CFAP20DC: variants seen among roughly 807,000 people sequenced by gnomAD.
CFAP20DC encodes protein CFAP20DC.
In CFAP20DC, 84 loss-of-function variants were observed where a neutral mutation model predicts 101.7. The observed-to-expected ratio is 0.83, with a 90% confidence interval of 0.69 to 0.99. The LOEUF (loss-of-function observed/expected upper bound fraction) is 0.99, where lower values mean the gene tolerates loss of function less well. Among genes scored for constraint, CFAP20DC ranks in the 50% least tolerant of loss-of-function variants. CFAP20DC has a pLI of 0.00. For missense variants in CFAP20DC, 1,007 were observed against 970.3 expected (o/e 1.04, Z -0.50); for synonymous variants, 359 against 351.2 (o/e 1.02, Z -0.25).
chr3:58,738,884 G>A (rs1007591348), downstream of CFAP20DC, among the ~76,000 whole-genome samples: 14 of 152,140 alleles, frequency 9.2e-5, no homozygotes, highest in South Asian at 2.1e-4. The surrounding 1 kb of genome is among the most constrained non-coding windows in gnomAD (Gnocchi z 4.4). Flanking sequence ...AAAAAGAACA[G>A]CTCAGAAACT....
intron 4 of CFAP20DC, among the ~76,000 whole-genome samples, chr3:58,948,508 C>G (rs2089661000): frequency 6.6e-6 from 1 of 152,136 alleles, no homozygotes; most frequent in Non-Finnish European, 1.5e-5. Context: ...CACATCTTTT[C>G]CTTTGTTTTC....
intron 6 of CFAP20DC, among the ~76,000 whole-genome samples, chr3:58,903,212 T>C (rs1039408184): frequency 6.6e-6 from 1 of 152,238 alleles, no homozygotes; most frequent in Non-Finnish European, 1.5e-5. Context: ...TGGTATCATA[T>C]CTAATACTAT....
chr3:58,936,830 G>A (rs1359832624), intron 5 of CFAP20DC, among the ~76,000 whole-genome samples: 1 of 151,904 alleles, frequency 6.6e-6, no homozygotes, highest in Non-Finnish European at 1.5e-5. Context: ...GCTAAATGAC[G>A]AGTTACTGGG....
rs780111933 is a variant in CFAP20DC at position 58,863,966 on chromosome 3, G to T, written c.1259-74C>A. 127 of 1,387,448 alleles carry T rather than the reference G, an allele frequency of 9.2e-5. No individual in the cohort carries two copies. In the South Asian group the frequency reaches 1.0e-3, roughly 11 times the overall value. The allele number at this position is 1,387,448 out of a possible 1,614,324, so 85.9% of individuals were successfully genotyped here. ...TGTTATTTTTATTTATTTATTTTTA[G>T]TTTTAGTTTTTGAGACAGTCTCACT... On this transcript the variant is annotated intron_variant, in intron 11 of 16. Coordinates refer to ENST00000482387, the MANE Select transcript of CFAP20DC (RefSeq NM_001394063.1). The surrounding 1 kb of genome is among the most constrained non-coding windows in gnomAD (Gnocchi z 5.9).
chr3:58,866,874 G>T, intron 10 of CFAP20DC, among the ~76,000 whole-genome samples, 186 bp from the exon 11 acceptor site: 1 of 151,384 alleles, frequency 6.6e-6, no homozygotes. Flanking sequence ...TTTTATAGAG[G>T]TTCACCTTAA....
chr3:58,946,731 G>C (rs1374358165), intron 4 of CFAP20DC, among the ~76,000 whole-genome samples: 1 of 152,104 alleles, frequency 6.6e-6, no homozygotes, highest in East Asian at 1.9e-4. Context: ...GAGGAAGAGA[G>C]GAAACGCAGA....
intron 4 of CFAP20DC, among the ~76,000 whole-genome samples, chr3:58,976,772 G>A (rs986510261): frequency 1.1e-4 from 17 of 152,026 alleles, no homozygotes; most frequent in African/African-American, 2.4e-4. Flanking sequence ...CCAAAGACAC[G>A]CATGTCAGGT....
intron 6 of CFAP20DC, among the ~76,000 whole-genome samples, chr3:58,891,403 GGAAAGAGAGGGAGACCGTGGGGAGA>G (rs2082241929): frequency 1.3e-5 from 2 of 150,840 alleles, no homozygotes; most frequent in Non-Finnish European, 1.5e-5. Flanking sequence ...GGGAGACCGT[GGAAAGAGAGGGAGACCGTGGGGAGA>G]GGGAGAGGGA....
chr3:58,935,314 G>T (rs914849630), intron 5 of CFAP20DC, among the ~76,000 whole-genome samples: 1 of 151,946 alleles, frequency 6.6e-6, no homozygotes, highest in Non-Finnish European at 1.5e-5. Flanking sequence ...CTCATGGGTA[G>T]GAAGAATCAA....
At chr3:58,837,395 A>G (rs142952335) in intron 13 of CFAP20DC, among the ~76,000 whole-genome samples, 1 of 152,334 alleles carries the variant, frequency 6.6e-6, no homozygotes, top group African/African-American at 2.4e-5. Flanking sequence ...AAGTGAGAGA[A>G]GCCAGACACA....
intron 12 of CFAP20DC, chr3:58,862,003 G>A: frequency 2.0e-6 from 2 of 985,284 alleles, no homozygotes; most frequent in Non-Finnish European, 2.4e-6. Context: ...AATATTCAGA[G>A]CTAGTATTCT....
chr3:58,877,146 A>G (rs893818073), intron 7 of CFAP20DC, among the ~76,000 whole-genome samples: 4 of 152,180 alleles, frequency 2.6e-5, no homozygotes, highest in African/African-American at 9.7e-5. Flanking sequence ...ATAGTATTTA[A>G]CAGTTTAGTA....
chr3:58,981,823 A>C lies in CFAP20DC; in HGVS notation c.279-44061T>G, dbSNP rs1281658283. On this transcript the variant is annotated intron_variant, in intron 4 of 16. Transcript: ENST00000482387. ...CAAGGACTTCATGTCTAAAACACCA[A>C]AAGCAATGGCAACAAAAGCCAAAAT... 1.3e-5 allele frequency among the ~76,000 whole-genome samples: 2 copies of C among 152,284 alleles called. 1 individual carries two copies. The highest frequency in any genetic ancestry group is 4.1e-4 in the South Asian group (2 of 4,822).
intron 16 of CFAP20DC, among the ~76,000 whole-genome samples, chr3:58,745,184 C>A (rs1280631558): frequency 1.3e-5 from 2 of 152,122 alleles, no homozygotes; most frequent in Non-Finnish European, 1.5e-5. Flanking sequence ...GAAAATGACC[C>A]CCTTTAGATC....
chr3:59,016,285 T>C (rs2093687857), intron 4 of CFAP20DC, among the ~76,000 whole-genome samples: 1 of 151,974 alleles, frequency 6.6e-6, no homozygotes, highest in Non-Finnish European at 1.5e-5. Flanking sequence ...TTATGTTAAG[T>C]GAACTAAGTG....
At chr3:58,979,928 A>G (rs188307036) in intron 4 of CFAP20DC, among the ~76,000 whole-genome samples, 1 of 152,114 alleles carries the variant, frequency 6.6e-6, no homozygotes, top group African/African-American at 2.4e-5. Context: ...CTTAAGTTCC[A>G]GTGTCAAATG....
intron 14 of CFAP20DC, among the ~76,000 whole-genome samples, chr3:58,817,230 C>G (rs964322566): frequency 4.6e-5 from 7 of 152,126 alleles, no homozygotes; most frequent in Admixed American, 1.3e-4. Context: ...AAACGCAGAG[C>G]GCCTCTCTTC....
chr3:58,819,881 C>G (rs1368301536), intron 14 of CFAP20DC, among the ~76,000 whole-genome samples: 3 of 147,388 alleles, frequency 2.0e-5, no homozygotes, highest in African/African-American at 7.6e-5. Context: ...AACATTGATG[C>G]AAAAATCCTC....
At position 58,870,175 on chromosome 3, in the gene CFAP20DC, C is replaced by G. The variant is rs757593286; in HGVS notation, c.850G>C (p.Glu284Gln). 1 of 1,605,294 alleles carries G rather than the reference C, an allele frequency of 6.2e-7. No individual in the cohort carries two copies. The highest frequency in any genetic ancestry group is 2.3e-5 in the East Asian group (1 of 44,410). The change falls in exon 8 of 17, where the codon GAG (glutamate) becomes CAG (glutamine). Residue 284 changes from glutamate (E) to glutamine (Q), a missense_variant and splice_region_variant. Coordinates refer to ENST00000482387, the MANE Select transcript of CFAP20DC (RefSeq NM_001394063.1). ...AGCTCTCCAAACCTTGCTCCTACCT[C>G]GCTGGATATCTTCATGTTATTCCTT... is the stretch of plus-strand genomic sequence containing the variant. ...GRRNNMKISS[E>Q]TVRSVGSKNN...
Sources: allele counts gnomAD v4.1 joint callset (sites outside exome capture counted in the v4.1 genomes callset), GRCh38; gene constraint gnomAD v4.1.1; non-coding constraint Gnocchi (gnomAD v3.1); transcripts MANE v1.5; gene names NCBI Gene and HGNC (gene_info 2026-07-23, HGNC 2026-07-21).